SLC35D1: variants seen among roughly 807,000 people sequenced by gnomAD.
The protein encoded by SLC35D1 is nucleotide sugar transporter SLC35D1.
SLC35D1 carries 31 observed loss-of-function variants against 46.7 expected under a neutral mutation model. That is an observed-to-expected ratio of 0.66 (90% CI 0.50 to 0.90). SLC35D1 has a LOEUF of 0.90. SLC35D1 is among the 40% of genes least tolerant of loss of function. The probability of loss-of-function intolerance (pLI) is 0.00; values close to 1 mark genes in which losing one functional copy is unlikely to be tolerated. For missense variants in SLC35D1, 397 were observed against 426.2 expected, an observed-to-expected ratio of 0.93 and a Z score of 0.60; for synonymous variants, 195 against 164.6, an observed-to-expected ratio of 1.18 and a Z score of -1.41.
At chr1:66,976,466 T>C in the SLC35D1 span, 1 of 706,146 alleles carries the variant, frequency 1.4e-6, no homozygotes, top group African/African-American at 1.8e-5. Flanking sequence ...TGCTACACTG[T>C]TGTATGTTAT....
intron 8 of SLC35D1, among the ~76,000 whole-genome samples, chr1:67,026,217 C>T (rs556558407): frequency 2.6e-5 from 4 of 152,268 alleles, no homozygotes; most frequent in Non-Finnish European, 5.9e-5. Flanking sequence ...GAATTTTACA[C>T]TCATGAGTGG....
chr1:67,044,334 A>C (rs867391139), intron 7 of SLC35D1, among the ~76,000 whole-genome samples: 8,245 of 143,356 alleles, frequency 0.058, 757 homozygotes, highest in African/African-American at 0.19. Flanking sequence ...CTCCATCTGA[A>C]AAAAAAAAAA....
intron 10 of SLC35D1, among the ~76,000 whole-genome samples, chr1:67,011,682 C>A (rs552826850): frequency 6.6e-6 from 1 of 151,974 alleles, no homozygotes; most frequent in African/African-American, 2.4e-5. Flanking sequence ...TGAAGTTTCA[C>A]CATGTTGCCC....
At chr1:66,977,464 A>C in the SLC35D1 span, among the ~76,000 whole-genome samples, 1 of 152,114 alleles carries the variant, frequency 6.6e-6, no homozygotes, top group African/African-American at 2.4e-5. Flanking sequence ...TCCTTTTCCT[A>C]GCTTTCCTGA....
chr1:66,976,992 G>A, the SLC35D1 span, among the ~76,000 whole-genome samples: 70 of 152,258 alleles, frequency 4.6e-4, no homozygotes, highest in African/African-American at 1.6e-3. Flanking sequence ...TATCATTAAA[G>A]CAAGATTTAG....
chr1:66,994,922 A>G (rs1160840309), downstream of SLC35D1, among the ~76,000 whole-genome samples: 3 of 77,576 alleles, frequency 3.9e-5, no homozygotes, highest in African/African-American at 1.2e-4. Flanking sequence ...GCAAAAAAAG[A>G]AAAAAAAAAA....
the SLC35D1 span, among the ~76,000 whole-genome samples, chr1:66,989,357 C>A: frequency 6.6e-6 from 1 of 152,202 alleles, no homozygotes; most frequent in East Asian, 1.9e-4. Flanking sequence ...TTGTTCTGCA[C>A]ACTGACTGGA....
the SLC35D1 span, among the ~76,000 whole-genome samples, chr1:66,990,556 A>G: frequency 2.6e-5 from 4 of 152,126 alleles, no homozygotes; most frequent in Non-Finnish European, 5.9e-5. Context: ...TGTGACCACC[A>G]CACCTGGCCA....
At chr1:67,042,046 A>G (rs1436043775) in intron 8 of SLC35D1, among the ~76,000 whole-genome samples, 190 bp downstream of exon 8, 4 of 152,352 alleles carry the variant, frequency 2.6e-5, no homozygotes, top group South Asian at 4.1e-4. Flanking sequence ...ATTTTGAGTC[A>G]TCTTTGTACT....
chr1:67,038,924 G>A (rs1251134383), intron 8 of SLC35D1, among the ~76,000 whole-genome samples: 1 of 151,972 alleles, frequency 6.6e-6, no homozygotes, highest in Non-Finnish European at 1.5e-5. Flanking sequence ...TCACTGGGAC[G>A]AGTTTTTCAA....
intron 11 of SLC35D1, among the ~76,000 whole-genome samples, chr1:67,006,592 C>T (rs2102231267): frequency 1.3e-5 from 2 of 152,288 alleles, no homozygotes; most frequent in South Asian, 4.1e-4. Flanking sequence ...ACTGGGGAAG[C>T]ACAGGATAGA....
At chr1:67,028,306 C>T (rs546509515) in intron 8 of SLC35D1, among the ~76,000 whole-genome samples, 6 of 152,178 alleles carry the variant, frequency 3.9e-5, no homozygotes, top group South Asian at 4.1e-4. Context: ...AGAATGTGTA[C>T]GCTGCTGTTG....
the SLC35D1 span, among the ~76,000 whole-genome samples, chr1:66,978,056 T>A: frequency 6.6e-6 from 1 of 151,778 alleles, no homozygotes; most frequent in African/African-American, 2.4e-5. Flanking sequence ...AATTAGCTGA[T>A]GTGGTGGTGC....
At chr1:66,981,772 T>C in the SLC35D1 span, 4 of 1,595,062 alleles carry the variant, frequency 2.5e-6, no homozygotes, top group South Asian at 4.7e-5. Context: ...GTTTTATTAA[T>C]TTTAAGGGAT....
At chr1:67,050,195 G>A (rs1045842684) in intron 5 of SLC35D1, among the ~76,000 whole-genome samples, 1 of 152,090 alleles carries the variant, frequency 6.6e-6, no homozygotes, top group African/African-American at 2.4e-5. Context: ...TCTCCCGGTG[G>A]CAGTAGTACA....
intron 6 of SLC35D1, among the ~76,000 whole-genome samples, chr1:67,049,471 T>A (rs890376104): frequency 6.6e-6 from 1 of 152,212 alleles, no homozygotes. Flanking sequence ...CTCAGAGGTG[T>A]TGTGAAGAAT....
chr1:67,042,143 T>C, intron 8 of SLC35D1, 93 bp downstream of exon 8: 1 of 1,215,720 alleles, frequency 8.2e-7, no homozygotes, highest in Non-Finnish European at 1.2e-6. Context: ...TTAATAAGCA[T>C]ATTTCTTTTG....
the SLC35D1 span, among the ~76,000 whole-genome samples, chr1:66,982,473 A>C: frequency 6.6e-6 from 1 of 152,228 alleles, no homozygotes; most frequent in African/African-American, 2.4e-5. Context: ...TTTGAGGTTC[A>C]GATAGTGTTT....
chr1:67,027,883 C>T (rs1018350590), intron 8 of SLC35D1, among the ~76,000 whole-genome samples: 2 of 152,046 alleles, frequency 1.3e-5, no homozygotes, highest in Non-Finnish European at 2.9e-5. Context: ...AGGTGTGAGC[C>T]ACCATGCCTG....
Sources: allele counts gnomAD v4.1 joint callset (sites outside exome capture counted in the v4.1 genomes callset), GRCh38; gene constraint gnomAD v4.1.1; transcripts MANE v1.5; gene names NCBI Gene and HGNC (gene_info 2026-07-23, HGNC 2026-07-21).